Variants in CCDC88A observed in about 807,000 individuals in gnomAD.
The protein encoded by CCDC88A is coiled-coil and HOOK domain protein 88A, also known as girdin.
CCDC88A carries 54 observed loss-of-function variants against 234.3 expected under a neutral mutation model. The ratio of observed to expected loss-of-function variants is 0.23; its 90% confidence interval spans 0.19 to 0.29. The LOEUF (loss-of-function observed/expected upper bound fraction) is 0.29, where lower values mean the gene tolerates loss of function less well. Among genes scored for constraint, CCDC88A ranks in the 10% least tolerant of loss-of-function variants. The pLI is 1.00. For synonymous variants in CCDC88A, 753 were observed against 737.8 expected (o/e 1.02, Z -0.33); for missense variants, 1,832 against 2,123.4 (o/e 0.86, Z 2.70).
In CCDC88A at chr2:55,332,332, G is replaced by T; in HGVS notation, c.2855+234C>A. Reference sequence around the variant, plus strand: ...AGACAGGGTTTCCCCATGTTGGTCAGGCTGATCTCGAACTCCCGACCTCAG... The same window carrying T: ...AGACAGGGTTTCCCCATGTTGGTCATGCTGATCTCGAACTCCCGACCTCAG... On this transcript the variant is annotated intron_variant, in intron 16 of 32. Transcript: ENST00000436346. The surrounding 1 kb of genome is among the most constrained non-coding windows in gnomAD (Gnocchi z 4.5). The T allele has an allele frequency of 2.8e-6, 1 of 362,240 alleles. No homozygotes were observed. The highest frequency in any genetic ancestry group is 4.2e-6 in the Non-Finnish European group (1 of 237,896). 22.4% of individuals were successfully genotyped at this position (362,240 alleles called of 1,614,324 possible).
At chr2:55,347,911 C>CT (rs897257286) in intron 9 of CCDC88A, among the ~76,000 whole-genome samples, 16 of 151,718 alleles carry the variant, frequency 1.1e-4, no homozygotes, top group African/African-American at 3.4e-4. Flanking sequence ...CATGCCCAAC[C>CT]TAGTTATTTA....
intron 2 of CCDC88A, among the ~76,000 whole-genome samples, chr2:55,400,293 T>C (rs2104939516): frequency 6.6e-6 from 1 of 152,324 alleles, no homozygotes; most frequent in African/African-American, 2.4e-5. Flanking sequence ...ACATGTGACA[T>C]GTCAAACGTG....
At chr2:55,349,292 T>A (rs1669572211) in intron 9 of CCDC88A, 3 of 495,416 alleles carry the variant, frequency 6.1e-6, no homozygotes, top group African/African-American at 4.0e-5. Context: ...CAGTCCTAAG[T>A]AGCTCTTTTG....
At chr2:55,402,692 G>A (rs1406238494) in intron 2 of CCDC88A, among the ~76,000 whole-genome samples, 1 of 141,130 alleles carries the variant, frequency 7.1e-6, no homozygotes, top group African/African-American at 2.6e-5. Context: ...CCAAATGTCG[G>A]CACATTTTAT....
chr2:55,375,073 C>T (rs115874149), intron 3 of CCDC88A, among the ~76,000 whole-genome samples, 190 bp from the exon 4 acceptor site: 2,368 of 152,124 alleles, frequency 0.016, 69 homozygotes, highest in African/African-American at 0.054. Context: ...AATTATAATA[C>T]CAGATAGACT....
intron 8 of CCDC88A, among the ~76,000 whole-genome samples, chr2:55,353,516 A>G (rs914961123): frequency 6.6e-6 from 1 of 152,130 alleles, no homozygotes; most frequent in African/African-American, 2.4e-5. Flanking sequence ...ATGGACTGTA[A>G]TATTTTTTCT....
In CCDC88A at chr2:55,334,132, C is replaced by A; in HGVS notation, c.2689G>T (p.Ala897Ser). The change falls in exon 15 of 33, where the codon GCA (alanine) becomes TCA (serine). Residue 897 changes from alanine to serine, a missense_variant. Physicochemically the swap from Ala to Ser is moderately conservative, Grantham distance 99. Around this residue, in one of 6 missense-constraint regions of CCDC88A, gnomAD observed 1,282 missense variants for 1,543.6 expected, o/e 0.83. Coordinates refer to ENST00000436346, the MANE Select transcript of CCDC88A (RefSeq NM_001365480.1). The surrounding 1 kb of genome is among the most constrained non-coding windows in gnomAD (Gnocchi z 6.1). Reference protein sequence around the residue: ...EKENKELVKRATIDIKTLVTL... With the variant: ...EKENKELVKRSTIDIKTLVTL... ...ACCAACGTTTTTATATCAATAGTTGCTCTTTTCACAAGCTCCTTATTTTCT... is the reference window on the plus strand; with the variant it reads ...ACCAACGTTTTTATATCAATAGTTGATCTTTTCACAAGCTCCTTATTTTCT... The A allele has an allele frequency of 7.5e-7, 1 of 1,331,000 alleles. No individual in the cohort carries two copies. Among genetic ancestry groups the A allele is most frequent in the South Asian group, 2.9e-5 (1 of 34,020 alleles). 82.4% of individuals were successfully genotyped at this position (1,331,000 alleles called of 1,614,324 possible). A position where few individuals can be genotyped will look rare whatever the true frequency, so the allele number is the denominator to read the frequency against.
chr2:55,365,472 T>G (rs1382940789), intron 5 of CCDC88A, among the ~76,000 whole-genome samples: 3 of 151,704 alleles, frequency 2.0e-5, no homozygotes, highest in Non-Finnish European at 4.4e-5. Context: ...CACCAAAGAG[T>G]TCCTTAATTC....
intron 25 of CCDC88A, among the ~76,000 whole-genome samples, chr2:55,306,447 GTACATA>G (rs1364714640): frequency 6.6e-6 from 1 of 151,662 alleles, no homozygotes; most frequent in Non-Finnish European, 1.5e-5. Context: ...ACACACACAC[GTACATA>G]TACATATATG....
chr2:55,345,245 C>A (rs1414016719), intron 10 of CCDC88A: 1 of 152,060 alleles, frequency 6.6e-6, no homozygotes, highest in African/African-American at 2.4e-5. Context: ...TTACTGGTAA[C>A]CTTTAAGCTA....
intron 19 of CCDC88A, 149 bp downstream of exon 19, chr2:55,318,694 T>C: frequency 2.0e-6 from 1 of 505,768 alleles, no homozygotes; most frequent in Non-Finnish European, 3.3e-6. Context: ...AACTGATGTG[T>C]GAAAATTTGG....
chr2:55,379,132 AAG>A (rs1674179254), intron 3 of CCDC88A, among the ~76,000 whole-genome samples: 1 of 152,170 alleles, frequency 6.6e-6, no homozygotes, highest in African/African-American at 2.4e-5. Flanking sequence ...CAAGACATAA[AAG>A]AGAGTAGATG....
Position 55,289,756 on chromosome 2 carries a change from A to C in CCDC88A, c.*1444T>G, listed in dbSNP as rs1201240350. 8.6e-6 allele frequency: 1 copy of C among 115,744 alleles called. No homozygotes were observed. The highest frequency in any genetic ancestry group is 2.5e-4 in the East Asian group (1 of 3,934). The allele number at this position is 115,744 out of a possible 1,614,324, so 7.2% of individuals were successfully genotyped here. The stretch of plus-strand genomic sequence containing the variant: ...ATTGCTACTGGCCTACGAAAGAGAG[A>C]GAGAAAGAGGGAGAGAGAAAGAGAG... On this transcript the variant is annotated 3_prime_UTR_variant, in exon 33 of 33. Transcript: ENST00000436346.
At chr2:55,407,065 T>C (rs1030298969) in intron 2 of CCDC88A, among the ~76,000 whole-genome samples, 1 of 151,900 alleles carries the variant, frequency 6.6e-6, no homozygotes, top group Non-Finnish European at 1.5e-5. Context: ...AAAATTTTAA[T>C]TAGCCAGGCA....
chr2:55,328,985 G>T lies in CCDC88A; in HGVS notation c.2856-550C>A, dbSNP rs1684601736. 1 of 152,236 alleles carries T rather than the reference G, an allele frequency of 6.6e-6. No individual in the cohort carries two copies. The highest frequency in any genetic ancestry group is 3.2e-3 in the Middle Eastern group (1 of 316). 9.4% of individuals were successfully genotyped at this position (152,236 alleles called of 1,614,324 possible). On this transcript the variant is annotated intron_variant, in intron 16 of 32. Coordinates refer to ENST00000436346, the MANE Select transcript of CCDC88A (RefSeq NM_001365480.1). This position sits in a 1 kb window ranked among gnomAD's most constrained non-coding sequence, Gnocchi z 4.3. Reference sequence around the variant, plus strand: ...GGGTTTCACCATGTTGATCAGGCTGGTCTCGAACTCCCGACCTCAGGTGAT... The same window carrying T: ...GGGTTTCACCATGTTGATCAGGCTGTTCTCGAACTCCCGACCTCAGGTGAT...
chr2:55,417,885 T>G (rs1343840645), intron 2 of CCDC88A: 1 of 152,026 alleles, frequency 6.6e-6, no homozygotes, highest in Non-Finnish European at 1.5e-5. Context: ...ATATAAAAGT[T>G]CCAAACTACC....
chr2:55,393,039 T>C (rs538779393), intron 2 of CCDC88A, among the ~76,000 whole-genome samples: 1 of 152,262 alleles, frequency 6.6e-6, no homozygotes, highest in South Asian at 2.1e-4. Flanking sequence ...AGGATATTTA[T>C]AAAGTTCTAC....
chr2:55,387,804 AAG>A (rs1675940872), intron 3 of CCDC88A, among the ~76,000 whole-genome samples: 1 of 151,284 alleles, frequency 6.6e-6, no homozygotes, highest in African/African-American at 2.4e-5. Flanking sequence ...AAAAAAGAAA[AAG>A]AAAAAAGAAA....
chr2:55,295,556 G>A (rs375237893), intron 31 of CCDC88A, 41 bp downstream of exon 31: 134 of 1,613,990 alleles, frequency 8.3e-5, no homozygotes, highest in Non-Finnish European at 1.1e-4. Flanking sequence ...GTGTTGGGAT[G>A]TCAAGTATAT....
Sources: gnomAD v4.1 joint callset for allele counts (sites outside exome capture counted in the v4.1 genomes callset) on GRCh38, gnomAD v4.1.1 for gene constraint, gnomAD v4.1.1 regional missense constraint, Gnocchi (gnomAD v3.1) non-coding constraint, MANE v1.5 for transcripts, NCBI Gene and HGNC (gene_info 2026-07-23, HGNC 2026-07-21) for gene names.